The following STRC variants were observed in gnomAD, a reference collection of about 807,000 sequenced individuals.
STRC encodes stereocilin.
A neutral mutation model predicts 103.5 loss-of-function variants in STRC; 43 were observed. The observed-to-expected ratio is 0.42, with a 90% CI of 0.33 to 0.54. The LOEUF is 0.54. Ranked by LOEUF, STRC falls within the 20% of genes least tolerant of loss-of-function variation. The pLI is 0.14. For synonymous variants in STRC, 186 were observed against 442.3 expected (o/e 0.42, Z 7.27); for missense variants, 499 against 1,088.5 (o/e 0.46, Z 7.62).
intron 18 of STRC, 149 bp from the exon 19 acceptor site, chr15:43,605,548 G>C: frequency 7.5e-7 from 1 of 1,330,066 alleles, no homozygotes; most frequent in Non-Finnish European, 1.0e-6. Context: ...CAGCTCCAGG[G>C]CCAATTCCCA....
intron 21 of STRC, 49 bp downstream of exon 21, chr15:43,604,312 A>G: frequency 1.3e-6 from 2 of 1,584,002 alleles, no homozygotes; most frequent in Non-Finnish European, 8.6e-7. Context: ...TAACCAGCTC[A>G]CCAGTCCCCT....
At chr15:43,608,724 G>GA (rs144553505) in intron 16 of STRC, among the ~76,000 whole-genome samples, 3,326 of 71,616 alleles carry the variant, frequency 0.046, 215 homozygotes, top group East Asian at 0.068. Flanking sequence ...AGACTGTCTC[G>GA]AAAAAAAAAA....
In STRC at chr15:43,601,418, A is replaced by G. The variant is rs1412775752; in HGVS notation, c.4679T>C (p.Ile1560Thr). 8.7e-6 allele frequency: 14 copies of G among 1,613,610 alleles called. No individual in the cohort carries two copies. Among genetic ancestry groups the G allele is most frequent in the Non-Finnish European group, 1.2e-5 (14 of 1,179,858 alleles). The change falls in exon 24 of 29, where the codon ATA becomes ACA. Residue 1560 changes from isoleucine to threonine, a missense_variant. Coordinates refer to ENST00000450892, the MANE Select transcript of STRC (RefSeq NM_153700.2). ...TACCTGAGTGGTGCTCCAGCCATCTATCTGCCCCAGGGTGCTCAGCACTCC... is the reference window on the plus strand; with the variant it reads ...TACCTGAGTGGTGCTCCAGCCATCTGTCTGCCCCAGGGTGCTCAGCACTCC... Reference protein sequence around the residue: ...DWGVLSTLGQIDGWSTTQLRI... With the variant: ...DWGVLSTLGQTDGWSTTQLRI...
intron 22 of STRC, chr15:43,603,687 A>G (rs2085690613): frequency 9.5e-6 from 6 of 629,060 alleles, no homozygotes; most frequent in Non-Finnish European, 1.6e-5. Flanking sequence ...CAGCCTCACA[A>G]TGTCTCCTTC....
At position 43,605,272 on chromosome 15, in the gene STRC, G is replaced by A. The variant is rs2085703668; in HGVS notation, c.3922C>T (p.Gln1308Ter). 4.4e-6 allele frequency: 7 copies of A among 1,586,514 alleles called. No homozygotes were observed. The highest frequency in any genetic ancestry group is 1.3e-5 in the African/African-American group (1 of 74,434). ...GTAGGGTGGACTCTTACCAGGTTTT[G>A]TAGTGCCCTCTCTGCCAGGGCTGCC... The part of the protein sequence containing the change: ...HQAALAERAL[Q>*]NLAPKETPVS... Residue 1308 changes from glutamine to a stop codon, truncating the protein, a stop_gained, in exon 19 of 29, where the codon CAA becomes TAA. Transcript: ENST00000450892. LOFTEE classifies it high-confidence loss of function.
intron 23 of STRC, chr15:43,601,807 C>T (rs2085671055): frequency 4.2e-6 from 2 of 475,576 alleles, no homozygotes; most frequent in Middle Eastern, 6.0e-4. Flanking sequence ...GTGCATCAGA[C>T]ACAGAGACGC....
chr15:43,602,044 T>A (rs1595957747), intron 23 of STRC, among the ~76,000 whole-genome samples: 1 of 143,858 alleles, frequency 7.0e-6, no homozygotes, highest in African/African-American at 2.6e-5. Flanking sequence ...GAACCCAGGA[T>A]GTAGAGGTTA....
intron 23 of STRC, 108 bp from the exon 24 acceptor site, chr15:43,601,659 C>A (rs1423517957): frequency 2.5e-6 from 3 of 1,203,048 alleles, no homozygotes; most frequent in African/African-American, 3.0e-5. Context: ...CTAGGTAAAT[C>A]ATTTGCCTTT....
In STRC at chr15:43,611,002, G is replaced by A. The variant is rs777902449; in HGVS notation, c.3307-18C>T. On this transcript the variant is annotated intron_variant, in intron 13 of 28. Coordinates refer to ENST00000450892, the MANE Select transcript of STRC (RefSeq NM_153700.2). Reference sequence around the variant, plus strand: ...TCTTTAACCTGCATGAGAATTGGTTGTGTGTGTGTGTGTGTGTGTGTGTGT... The same window carrying A: ...TCTTTAACCTGCATGAGAATTGGTTATGTGTGTGTGTGTGTGTGTGTGTGT... 6 of 438,590 alleles carry A rather than the reference G, an allele frequency of 1.4e-5. No homozygotes were observed. The highest frequency in any genetic ancestry group is 2.0e-5 in the Non-Finnish European group (5 of 250,442). 27.2% of individuals were successfully genotyped at this position (438,590 alleles called of 1,614,324 possible). A position where few individuals can be genotyped will look rare whatever the true frequency, so the allele number is the denominator to read the frequency against.
chr15:43,602,231 A>G (rs1448028047), intron 23 of STRC, among the ~76,000 whole-genome samples: 1 of 149,186 alleles, frequency 6.7e-6, no homozygotes, highest in African/African-American at 2.5e-5. Flanking sequence ...CCCAGGCTGG[A>G]GGGCAGTGGT....
At chr15:43,606,456 C>T (rs1462035936) in intron 18 of STRC, among the ~76,000 whole-genome samples, 10 of 148,612 alleles carry the variant, frequency 6.7e-5, no homozygotes, top group Non-Finnish European at 1.3e-4. Flanking sequence ...AAAAATTAGC[C>T]GGGTGTGGTG....
At position 43,600,185 on chromosome 15, in the gene STRC, T is replaced by C. The variant is rs1280306651; in HGVS notation, c.5091+11A>G. ...GCTCTCCTGTGGTCACCCCAGTCCA[T>C]TAATACTTACAGCAAATTTAGGAGG... On this transcript the variant is annotated intron_variant, in intron 27 of 28. Coordinates refer to ENST00000450892, the MANE Select transcript of STRC (RefSeq NM_153700.2). The C allele has an allele frequency of 1.4e-6, 2 of 1,479,540 alleles. No homozygotes were observed. Among genetic ancestry groups the C allele is most frequent in the African/African-American group, 2.8e-5 (2 of 70,258 alleles). 91.7% of individuals were successfully genotyped at this position (1,479,540 alleles called of 1,614,324 possible). A position where few individuals can be genotyped will look rare whatever the true frequency, so the allele number is the denominator to read the frequency against.
chr15:43,603,529 G>A, intron 22 of STRC, 118 bp from the exon 23 acceptor site: 1 of 1,104,186 alleles, frequency 9.1e-7, no homozygotes, highest in South Asian at 1.2e-5. Context: ...GAGAAATAGG[G>A]ATCAAAGGAG....
intron 24 of STRC, 142 bp downstream of exon 24, chr15:43,601,254 C>T (rs1371756293): frequency 3.3e-5 from 44 of 1,332,292 alleles, no homozygotes; most frequent in Non-Finnish European, 4.3e-5. Flanking sequence ...CTGAAGGTCA[C>T]TAGTATGGGG....
intron 25 of STRC, 78 bp from the exon 26 acceptor site, chr15:43,600,760 T>A (rs1265125730): frequency 3.1e-6 from 5 of 1,612,110 alleles, no homozygotes; most frequent in Non-Finnish European, 4.2e-6. Flanking sequence ...AAGGAAGAGA[T>A]GGCTTCAAAT....
rs183508257 is a variant in STRC, at chr15:43,603,010, T to C, written c.4545+232A>G. Among the ~76,000 whole-genome samples, 329 of 152,062 alleles carry C rather than the reference T, an allele frequency of 2.2e-3. 3 individuals carry two copies. Among genetic ancestry groups the C allele is most frequent in the Non-Finnish European group, 2.9e-3 (200 of 67,974 alleles). On this transcript the variant is annotated intron_variant, in intron 23 of 28. Transcript: ENST00000450892. ...AGAAAAAAATCTGTTCCCTTGATGA[T>C]CGTGATATGCATTAAAATTTGGTAA... is the stretch of plus-strand genomic sequence containing the variant.
Position 43,604,171 on chromosome 15 carries a change from G to T in STRC, c.4219-19C>A. Reference sequence around the variant, plus strand: ...AGGCCTCCTGCATGAGAAGGTAGAAGGAGAGTGGGGAGATCTGGACAGATC... The same window carrying T: ...AGGCCTCCTGCATGAGAAGGTAGAATGAGAGTGGGGAGATCTGGACAGATC... On this transcript the variant is annotated intron_variant, in intron 21 of 28. Transcript: ENST00000450892. 1 of 1,608,366 alleles carries T rather than the reference G, an allele frequency of 6.2e-7. No individual in the cohort carries two copies. Among genetic ancestry groups the T allele is most frequent in the Non-Finnish European group, 8.5e-7 (1 of 1,177,648 alleles).
At chr15:43,603,449 A>T (rs1595958559) in intron 22 of STRC, 38 bp from the exon 23 acceptor site, 2 of 1,599,736 alleles carry the variant, frequency 1.3e-6, no homozygotes, top group Non-Finnish European at 1.7e-6. Flanking sequence ...TCAGCGCAGT[A>T]ATAAAATATG....
In STRC at chr15:43,604,806, G is replaced by A; in HGVS notation, c.3971C>T (p.Thr1324Ile). 1 of 1,613,080 alleles carries A rather than the reference G, an allele frequency of 6.2e-7. No individual in the cohort carries two copies. The highest frequency in any genetic ancestry group is 2.2e-5 in the East Asian group (1 of 44,854). ...ETPVSGEVLE[T>I]LGPLVGFLGT... is the part of the protein sequence containing the mutation. The stretch of plus-strand genomic sequence containing the variant: ...CAGGAATCCAACCAAAGGGCCTAAG[G>A]TCTCCAGCACTTCCCCTGAGACTGG... The change falls in exon 20 of 29, where the codon ACC becomes ATC. Residue 1324 changes from threonine to isoleucine, a missense_variant. Transcript: ENST00000450892.
Sources: allele counts gnomAD v4.1 joint callset (sites outside exome capture counted in the v4.1 genomes callset), GRCh38; gene constraint gnomAD v4.1.1; transcripts MANE v1.5; gene names NCBI Gene and HGNC (gene_info 2026-07-23, HGNC 2026-07-21).